Variants in ZBTB7C observed in about 807,000 individuals in gnomAD.
The protein encoded by ZBTB7C is zinc finger and BTB domain-containing protein 7C.
A neutral mutation model predicts 25.7 loss-of-function variants in ZBTB7C; 8 were observed. The observed-to-expected ratio is 0.31, with a 90% CI of 0.18 to 0.56. ZBTB7C has a LOEUF of 0.56. Ranked by LOEUF, ZBTB7C falls within the 20% of genes least tolerant of loss-of-function variation. The pLI, the probability that ZBTB7C is intolerant of heterozygous loss-of-function variation, is 0.91. For synonymous variants in ZBTB7C, 394 were observed against 369.0 expected, an observed-to-expected ratio of 1.07 and a Z score of -0.78; for missense variants, 824 against 855.2, an observed-to-expected ratio of 0.96 and a Z score of 0.46.
chr18:48,390,121 A>G (rs996348876), intron 1 of ZBTB7C, among the ~76,000 whole-genome samples: 2 of 152,240 alleles, frequency 1.3e-5, no homozygotes, highest in Non-Finnish European at 2.9e-5. Context: ...TTCTGTTTTA[A>G]TTAAAATCAA....
intron 1 of ZBTB7C, among the ~76,000 whole-genome samples, chr18:48,394,395 G>A (rs1457718146): frequency 6.6e-6 from 1 of 152,206 alleles, no homozygotes; most frequent in Non-Finnish European, 1.5e-5. Context: ...ACAGCGCTCA[G>A]CTAAGCCAGA....
At chr18:48,063,436 G>C (rs2037200989) in intron 3 of ZBTB7C, among the ~76,000 whole-genome samples, 1 of 152,204 alleles carries the variant, frequency 6.6e-6, no homozygotes, top group African/African-American at 2.4e-5. Flanking sequence ...CTCTGCCCTG[G>C]GGCTCCCAGA....
chr18:48,366,402 C>A (rs946898908), intron 1 of ZBTB7C, among the ~76,000 whole-genome samples: 5 of 152,084 alleles, frequency 3.3e-5, no homozygotes, highest in Non-Finnish European at 5.9e-5. Flanking sequence ...AAAACATGAC[C>A]AAAGCCCAGA....
At chr18:48,366,527 A>G (rs2047224287) in intron 1 of ZBTB7C, among the ~76,000 whole-genome samples, 1 of 152,264 alleles carries the variant, frequency 6.6e-6, no homozygotes, top group Non-Finnish European at 1.5e-5. Context: ...TATTTGCAAC[A>G]TACATGGCAC....
At chr18:48,162,914 G>A (rs771720103) in intron 3 of ZBTB7C, among the ~76,000 whole-genome samples, 2 of 152,172 alleles carry the variant, frequency 1.3e-5, no homozygotes, top group Non-Finnish European at 2.9e-5. Context: ...TCACTGAGGA[G>A]GATGAACGTT....
At chr18:48,045,618 A>G (rs1291941302) in intron 3 of ZBTB7C, among the ~76,000 whole-genome samples, 2 of 152,172 alleles carry the variant, frequency 1.3e-5, no homozygotes, top group Admixed American at 6.5e-5. Context: ...CTGATCTCGC[A>G]CTTCCGGGGG....
intron 1 of ZBTB7C, among the ~76,000 whole-genome samples, chr18:48,351,836 C>G (rs1040738890): frequency 6.6e-6 from 1 of 152,194 alleles, no homozygotes; most frequent in Non-Finnish European, 1.5e-5. Context: ...TCCTTGGCAG[C>G]AAGCCAAGCT....
intron 3 of ZBTB7C, among the ~76,000 whole-genome samples, chr18:48,183,010 TTTA>T (rs1479478256): frequency 1.3e-5 from 2 of 152,182 alleles, no homozygotes; most frequent in Admixed American, 6.5e-5. Context: ...ATAAAAATAA[TTTA>T]TTATTTGCAA....
intron 1 of ZBTB7C, among the ~76,000 whole-genome samples, chr18:48,384,653 A>G (rs192960456): frequency 6.6e-6 from 1 of 151,992 alleles, no homozygotes; most frequent in Non-Finnish European, 1.5e-5. Context: ...TTAGCTTATC[A>G]GCTATCATTA....
intron 3 of ZBTB7C, among the ~76,000 whole-genome samples, chr18:48,080,222 C>A (rs2037929937): frequency 6.6e-6 from 1 of 152,236 alleles, no homozygotes; most frequent in Non-Finnish European, 1.5e-5. Flanking sequence ...CCACACCGTC[C>A]TGATTCCTGT....
intron 2 of ZBTB7C, among the ~76,000 whole-genome samples, chr18:48,320,948 C>T (rs1568374708): frequency 6.6e-6 from 1 of 152,262 alleles, no homozygotes; most frequent in Non-Finnish European, 1.5e-5. Flanking sequence ...ACCAGGGGTC[C>T]TGTTGTGTCC....
At chr18:48,274,036 T>C (rs1171112003) in intron 2 of ZBTB7C, among the ~76,000 whole-genome samples, 4 of 152,214 alleles carry the variant, frequency 2.6e-5, no homozygotes, top group Admixed American at 2.6e-4. Flanking sequence ...GTTCATAGCA[T>C]GTATACTTTC....
chr18:48,322,833 G>A (rs564039312), intron 2 of ZBTB7C, among the ~76,000 whole-genome samples: 1 of 152,200 alleles, frequency 6.6e-6, no homozygotes, highest in African/African-American at 2.4e-5. Flanking sequence ...AAGCAACTGT[G>A]GTATATATAT....
chr18:48,098,148 C>T (rs1400074115), intron 3 of ZBTB7C, among the ~76,000 whole-genome samples: 1 of 152,100 alleles, frequency 6.6e-6, no homozygotes, highest in Admixed American at 6.5e-5. Flanking sequence ...ATAAGGAGAA[C>T]ATGAGAGGGA....
intron 2 of ZBTB7C, among the ~76,000 whole-genome samples, chr18:48,337,354 C>A (rs757295190): frequency 6.6e-6 from 1 of 152,184 alleles, no homozygotes; most frequent in African/African-American, 2.4e-5. Flanking sequence ...CCTCATATGA[C>A]GCACACAGCA....
At chr18:48,083,445 C>T (rs2038069030) in intron 3 of ZBTB7C, among the ~76,000 whole-genome samples, 1 of 152,064 alleles carries the variant, frequency 6.6e-6, no homozygotes, top group East Asian at 1.9e-4. Flanking sequence ...CTCACCCACC[C>T]TACCCCTCCT....
At chr18:48,032,468 T>C (rs1437534241) in intron 4 of ZBTB7C, among the ~76,000 whole-genome samples, 1 of 126,030 alleles carries the variant, frequency 7.9e-6, no homozygotes, top group Non-Finnish European at 1.6e-5. Flanking sequence ...GGAGTCTCGC[T>C]CTGTCACCCA....
intron 3 of ZBTB7C, among the ~76,000 whole-genome samples, chr18:48,082,015 G>A (rs1316404173): frequency 6.6e-6 from 1 of 152,114 alleles, no homozygotes; most frequent in Non-Finnish European, 1.5e-5. Flanking sequence ...ACATTTTAAA[G>A]TCAGTATGTG....
At chr18:48,357,159 G>T (rs144174641) in intron 1 of ZBTB7C, among the ~76,000 whole-genome samples, 19 of 152,240 alleles carry the variant, frequency 1.2e-4, no homozygotes, top group African/African-American at 3.6e-4. Flanking sequence ...ACACCGGAAG[G>T]TCTGTCCCAG....
Sources: gnomAD v4.1 joint callset for allele counts (sites outside exome capture counted in the v4.1 genomes callset) on GRCh38, gnomAD v4.1.1 for gene constraint, MANE v1.5 for transcripts, NCBI Gene and HGNC (gene_info 2026-07-23, HGNC 2026-07-21) for gene names.